CAST: variants seen among roughly 807,000 people sequenced by gnomAD.
The protein encoded by CAST is calpastatin.
In CAST, 76 loss-of-function variants were observed where a neutral mutation model predicts 119.6. The ratio of observed to expected loss-of-function variants is 0.64; its 90% CI spans 0.53 to 0.77. The LOEUF (loss-of-function observed/expected upper bound fraction) is 0.77. Among genes scored for constraint, CAST ranks in the 30% least tolerant of loss-of-function variants. CAST has a pLI of 0.00. For synonymous variants in CAST, 319 were observed against 331.6 expected (o/e 0.96, Z 0.41); for missense variants, 953 against 946.5 (o/e 1.01, Z -0.09).
the CAST span, among the ~76,000 whole-genome samples, chr5:95,976,322 A>C: frequency 6.6e-6 from 1 of 151,942 alleles, no homozygotes; most frequent in Non-Finnish European, 1.5e-5. Flanking sequence ...AACTACACAC[A>C]TGAATATGAT....
At chr5:96,409,463 G>C in the CAST span, among the ~76,000 whole-genome samples, 2 of 152,168 alleles carry the variant, frequency 1.3e-5, no homozygotes, top group Non-Finnish European at 2.9e-5. Flanking sequence ...GTTTGCGTAA[G>C]AAAAAGGTTA....
the CAST span, among the ~76,000 whole-genome samples, chr5:96,183,634 G>A: frequency 6.6e-6 from 1 of 151,798 alleles, no homozygotes; most frequent in African/African-American, 2.4e-5. Context: ...AAAGAGCTTC[G>A]GGACTTGCAT....
the CAST span, among the ~76,000 whole-genome samples, chr5:96,377,457 G>A: frequency 8.6e-5 from 13 of 151,910 alleles, no homozygotes; most frequent in African/African-American, 3.1e-4. Flanking sequence ...TTTTAACCAT[G>A]CCTTTTCTAT....
chr5:96,010,299 T>G, the CAST span, among the ~76,000 whole-genome samples: 1 of 152,106 alleles, frequency 6.6e-6, no homozygotes, highest in Non-Finnish European at 1.5e-5. Context: ...TCCATATGAT[T>G]TTTAGAATAT....
chr5:96,039,804 C>T, the CAST span, among the ~76,000 whole-genome samples: 4 of 152,084 alleles, frequency 2.6e-5, no homozygotes, highest in South Asian at 2.1e-4. Context: ...AGTCAGGTAG[C>T]GTGATGCCTC....
intron 1 of CAST, among the ~76,000 whole-genome samples, chr5:96,575,819 C>G (rs192527376): frequency 2.6e-5 from 4 of 151,942 alleles, no homozygotes. Flanking sequence ...ATTTTTTAAT[C>G]ATTTGTAGCA....
At chr5:96,458,263 A>T in the CAST span, among the ~76,000 whole-genome samples, 6 of 152,296 alleles carry the variant, frequency 3.9e-5, no homozygotes, top group East Asian at 1.2e-3. Context: ...AGCCACACTC[A>T]TTTGTTTATA....
At chr5:96,411,425 TC>T in the CAST span, among the ~76,000 whole-genome samples, 4 of 152,248 alleles carry the variant, frequency 2.6e-5, no homozygotes, top group Non-Finnish European at 4.4e-5. Context: ...AAGGGACTCT[TC>T]AATTGAATGG....
the CAST span, among the ~76,000 whole-genome samples, chr5:96,208,023 G>A: frequency 2.0e-5 from 3 of 151,786 alleles, no homozygotes; most frequent in Non-Finnish European, 2.9e-5. Flanking sequence ...TTCAGTTTGG[G>A]AAGTTGTATG....
the CAST span, among the ~76,000 whole-genome samples, chr5:96,338,752 C>T: frequency 1.2e-4 from 19 of 152,258 alleles, no homozygotes; most frequent in South Asian, 1.9e-3. Context: ...TTGGAAATGC[C>T]GCAGAACATC....
the CAST span, among the ~76,000 whole-genome samples, chr5:96,011,694 A>G: frequency 6.6e-6 from 1 of 152,188 alleles, no homozygotes; most frequent in African/African-American, 2.4e-5. Flanking sequence ...TTGCACATAA[A>G]TTATATATTG....
the CAST span, among the ~76,000 whole-genome samples, chr5:96,047,365 C>A: frequency 1.3e-5 from 2 of 152,078 alleles, no homozygotes; most frequent in Non-Finnish European, 2.9e-5. Context: ...AATTCTACTG[C>A]CCTCTGTTCT....
the CAST span, among the ~76,000 whole-genome samples, chr5:95,969,447 G>C: frequency 6.6e-6 from 1 of 152,270 alleles, no homozygotes; most frequent in South Asian, 2.1e-4. Flanking sequence ...AAAGTAAGCG[G>C]GGAGACCAAT....
chr5:96,138,961 C>T, the CAST span, among the ~76,000 whole-genome samples: 1 of 151,984 alleles, frequency 6.6e-6, no homozygotes, highest in South Asian at 2.1e-4. Flanking sequence ...TGGTACAATG[C>T]TTAAAGGAGT....
chr5:96,030,081 A>G, the CAST span, among the ~76,000 whole-genome samples: 1 of 152,072 alleles, frequency 6.6e-6, no homozygotes, highest in Non-Finnish European at 1.5e-5. Context: ...TAATAGAATA[A>G]ATAATAGTAT....
chr5:96,395,579 G>C, the CAST span, among the ~76,000 whole-genome samples: 1 of 152,146 alleles, frequency 6.6e-6, no homozygotes, highest in Non-Finnish European at 1.5e-5. Flanking sequence ...ACTCATAAGT[G>C]GGAGTTGAAC....
the CAST span, among the ~76,000 whole-genome samples, chr5:96,123,966 C>G: frequency 1.3e-5 from 2 of 152,032 alleles, no homozygotes; most frequent in Non-Finnish European, 2.9e-5. Flanking sequence ...TATTCAGTTA[C>G]CTCTTGTTTC....
the CAST span, among the ~76,000 whole-genome samples, chr5:96,045,026 G>C: frequency 6.6e-6 from 1 of 152,122 alleles, no homozygotes; most frequent in African/African-American, 2.4e-5. Flanking sequence ...TCTTAATATG[G>C]CTGGTGGTTT....
chr5:96,635,616 AG>A (rs1336205743), intron 1 of CAST, among the ~76,000 whole-genome samples: 3 of 152,164 alleles, frequency 2.0e-5, no homozygotes, highest in African/African-American at 7.2e-5. Flanking sequence ...TCTTGCTACT[AG>A]TGTACTGAAG....
Sources: allele counts gnomAD v4.1 joint callset (sites outside exome capture counted in the v4.1 genomes callset), GRCh38; gene constraint gnomAD v4.1.1; transcripts MANE v1.5; gene names NCBI Gene and HGNC (gene_info 2026-07-23, HGNC 2026-07-21).